Variants in CNTN1 observed in about 807,000 individuals in gnomAD.
CNTN1 encodes the protein contactin-1.
CNTN1 carries 38 observed loss-of-function variants against 126.4 expected under a neutral mutation model. The ratio of observed to expected loss-of-function variants is 0.30; its 90% CI spans 0.23 to 0.39. CNTN1 has a LOEUF of 0.39. CNTN1 is among the 10% of genes least tolerant of loss of function. The pLI, the probability that CNTN1 is intolerant of heterozygous loss-of-function variation, is 1.00. For synonymous variants in CNTN1, 413 were observed against 422.6 expected, an observed-to-expected ratio of 0.98 and a Z score of 0.28; for missense variants, 1,009 against 1,248.4, an observed-to-expected ratio of 0.81 and a Z score of 2.89.
intron 17 of CNTN1, among the ~76,000 whole-genome samples, chr12:41,006,565 A>C (rs1237570962): frequency 6.6e-6 from 1 of 152,234 alleles, no homozygotes; most frequent in East Asian, 1.9e-4. Flanking sequence ...CTGTGCAATT[A>C]ATGTACATAC....
At chr12:40,845,476 A>G (rs1942463930) in intron 1 of CNTN1, among the ~76,000 whole-genome samples, 1 of 152,206 alleles carries the variant, frequency 6.6e-6, no homozygotes, top group Non-Finnish European at 1.5e-5. Context: ...TATTGACAGA[A>G]CAGAGTACCA....
chr12:41,015,480 A>G (rs1948760228), intron 18 of CNTN1, among the ~76,000 whole-genome samples: 1 of 152,134 alleles, frequency 6.6e-6, no homozygotes, highest in African/African-American at 2.4e-5. Flanking sequence ...CTAAATTCCA[A>G]AAACTAAGTA....
intron 1 of CNTN1, among the ~76,000 whole-genome samples, chr12:40,708,001 T>G (rs1941814536): frequency 6.6e-6 from 1 of 152,224 alleles, no homozygotes; most frequent in East Asian, 1.9e-4. Context: ...AATGACTTTT[T>G]AGTCCTAGAT....
intron 15 of CNTN1, among the ~76,000 whole-genome samples, chr12:40,979,562 A>G (rs1947767463): frequency 6.6e-6 from 1 of 152,108 alleles, no homozygotes; most frequent in Non-Finnish European, 1.5e-5. Context: ...GCCTAAATCA[A>G]TTGGGGGTGG....
At chr12:40,936,512 T>C (rs1417457159) in intron 9 of CNTN1, among the ~76,000 whole-genome samples, 2 of 152,182 alleles carry the variant, frequency 1.3e-5, no homozygotes, top group African/African-American at 4.8e-5. Context: ...TCAGTTATTT[T>C]AGTAATAATT....
chr12:40,706,438 T>G (rs1366229373), intron 1 of CNTN1, among the ~76,000 whole-genome samples: 3 of 152,132 alleles, frequency 2.0e-5, no homozygotes, highest in Non-Finnish European at 4.4e-5. Context: ...GTGTATCTTG[T>G]ATAAACTTCT....
In CNTN1 at chr12:40,780,566, G is replaced by C. The variant is rs569606591; in HGVS notation, c.-77+87974G>C. 2.6e-5 allele frequency among the ~76,000 whole-genome samples: 4 copies of C among 151,356 alleles called. No individual in the cohort carries two copies. The East Asian group carries it at 7.8e-4, about 29-fold the overall frequency. On this transcript the variant is annotated intron_variant, in intron 1 of 23. Transcript: ENST00000551295. The stretch of plus-strand genomic sequence containing the variant: ...TTTGCATGTCTGATATTTTCATAGA[G>C]AGTGCCATTGTGTGAGAATAAAATG...
intron 17 of CNTN1, among the ~76,000 whole-genome samples, chr12:41,011,531 G>C (rs185471903): frequency 6.6e-6 from 1 of 152,194 alleles, no homozygotes; most frequent in African/African-American, 2.4e-5. Context: ...CATGGTTCCT[G>C]GCATCCTGGC....
intron 6 of CNTN1, among the ~76,000 whole-genome samples, chr12:40,925,808 A>T (rs1049983530): frequency 3.8e-5 from 3 of 78,104 alleles, no homozygotes; most frequent in Admixed American, 3.8e-4. Context: ...AATTATATAT[A>T]TATATATATA....
chr12:40,945,304 A>T (rs1946394674), intron 14 of CNTN1, among the ~76,000 whole-genome samples: 1 of 152,226 alleles, frequency 6.6e-6, no homozygotes, highest in Non-Finnish European at 1.5e-5. Flanking sequence ...AATTGGCACC[A>T]AAATCTCCAA....
chr12:41,004,885 G>A (rs1948452873), intron 17 of CNTN1, among the ~76,000 whole-genome samples: 1 of 152,142 alleles, frequency 6.6e-6, no homozygotes, highest in African/African-American at 2.4e-5. Context: ...TCTTTATCCA[G>A]CTTGCCACTT....
At chr12:41,006,822 A>G (rs891967614) in intron 17 of CNTN1, among the ~76,000 whole-genome samples, 1 of 152,182 alleles carries the variant, frequency 6.6e-6, no homozygotes, top group African/African-American at 2.4e-5. Flanking sequence ...TGTCCTCTAT[A>G]GAAACATGGA....
At chr12:40,697,069 G>A (rs572578723) in intron 1 of CNTN1, among the ~76,000 whole-genome samples, 10 of 152,010 alleles carry the variant, frequency 6.6e-5, no homozygotes, top group Non-Finnish European at 1.2e-4. Flanking sequence ...GTTTTGCATC[G>A]TCAAGAACAT....
At chr12:40,957,380 G>A (rs1174060818) in intron 14 of CNTN1, among the ~76,000 whole-genome samples, 5 of 151,434 alleles carry the variant, frequency 3.3e-5, no homozygotes, top group Admixed American at 1.3e-4. Context: ...GTAAATTTAC[G>A]GCCAACAGGA....
rs1013086360 is a variant in CNTN1 at position 41,070,891 on chromosome 12, G to A, written c.*856G>A. 1 of 151,860 alleles carries A rather than the reference G, an allele frequency of 6.6e-6. No individual in the cohort carries two copies. The highest frequency in any genetic ancestry group is 2.4e-5 in the African/African-American group (1 of 41,366). The allele number at this position is 151,860 out of a possible 1,614,324, so 9.4% of individuals were successfully genotyped here. A position where few individuals can be genotyped will look rare whatever the true frequency, so the allele number is the denominator to read the frequency against. The stretch of plus-strand genomic sequence containing the variant: ...AGTGACAAATTTTGAAAAGTAGAGT[G>A]CTTCCTTTTTTATTGAGATGTGACA... On this transcript the variant is annotated 3_prime_UTR_variant, in exon 24 of 24. Coordinates refer to ENST00000551295, the MANE Select transcript of CNTN1 (RefSeq NM_001843.4).
intron 17 of CNTN1, among the ~76,000 whole-genome samples, chr12:41,006,717 G>A (rs1948501737): frequency 6.6e-6 from 1 of 152,190 alleles, no homozygotes; most frequent in Non-Finnish European, 1.5e-5. Flanking sequence ...AAAATGGGAG[G>A]GCATTTGGGG....
chr12:40,958,628 T>G (rs7970560), intron 14 of CNTN1, among the ~76,000 whole-genome samples: 2,446 of 152,150 alleles, frequency 0.016, 58 homozygotes, highest in African/African-American at 0.056. Context: ...AGTGGAATTG[T>G]ACATTTTCTC....
Position 40,965,997 on chromosome 12 carries a change from ACCACAC to A in CNTN1, c.1804+6764_1804+6769del, listed in dbSNP as rs1241266865. 1.6e-3 allele frequency among the ~76,000 whole-genome samples: 194 copies of A among 119,968 alleles called. 1 individual carries two copies. Among genetic ancestry groups the A allele is most frequent in the African/African-American group, 5.8e-3 (177 of 30,366 alleles). The allele number at this position is 119,968 out of a possible 152,430, so 78.7% of individuals were successfully genotyped here. On this transcript the variant is annotated intron_variant, in intron 15 of 23. Transcript: ENST00000551295. ...CGTGTAAGTATACACACCTCATCAC[ACCACAC>A]ACACACACACACACACACACACACA...
intron 1 of CNTN1, among the ~76,000 whole-genome samples, chr12:40,749,977 T>C (rs1938342568): frequency 6.6e-6 from 1 of 152,060 alleles, no homozygotes; most frequent in African/African-American, 2.4e-5. Flanking sequence ...CTAGTCCCTA[T>C]AAGATGAGAA....
Sources: gnomAD v4.1 joint callset for allele counts (sites outside exome capture counted in the v4.1 genomes callset) on GRCh38, gnomAD v4.1.1 for gene constraint, MANE v1.5 for transcripts, NCBI Gene and HGNC (gene_info 2026-07-23, HGNC 2026-07-21) for gene names.